Variants in STRN3 observed in about 807,000 individuals in gnomAD.
STRN3 encodes the protein striatin-3.
In STRN3, 29 loss-of-function variants were observed where a neutral mutation model predicts 95.6. That is an observed-to-expected ratio of 0.30 (90% CI 0.23 to 0.41). The LOEUF is 0.41. Ranked by LOEUF, STRN3 falls within the 10% of genes least tolerant of loss-of-function variation. STRN3 has a pLI of 1.00. For missense variants in STRN3, 890 were observed against 972.1 expected (o/e 0.92, Z 1.12); for synonymous variants, 331 against 357.6 (o/e 0.93, Z 0.84).
chr14:30,988,821 T>C (rs572320178), intron 1 of STRN3, among the ~76,000 whole-genome samples: 3 of 152,350 alleles, frequency 2.0e-5, no homozygotes, highest in African/African-American at 7.2e-5. Context: ...CCTTGCACTT[T>C]ACAGCCATCC....
At chr14:31,021,830 A>G (rs1444855814) in intron 1 of STRN3, among the ~76,000 whole-genome samples, 1 of 152,196 alleles carries the variant, frequency 6.6e-6, no homozygotes, top group Admixed American at 6.5e-5. Context: ...AGGAGAGAAG[A>G]AAGCGAAAAG....
chr14:31,000,141 G>A (rs551056497), intron 1 of STRN3, among the ~76,000 whole-genome samples: 1 of 147,796 alleles, frequency 6.8e-6, no homozygotes, highest in Non-Finnish European at 1.5e-5. Flanking sequence ...AGTCTTTCAG[G>A]CTAAAATATA....
At chr14:31,003,358 AAAAC>A (rs201880964) in intron 1 of STRN3, among the ~76,000 whole-genome samples, 3,173 of 151,878 alleles carry the variant, frequency 0.021, 101 homozygotes, top group African/African-American at 0.071. Flanking sequence ...GGAAAAAAAA[AAAAC>A]AAACAACTCA....
At chr14:30,964,976 T>C (rs1220483986) in intron 1 of STRN3, among the ~76,000 whole-genome samples, 1 of 151,916 alleles carries the variant, frequency 6.6e-6, no homozygotes, top group Non-Finnish European at 1.5e-5. Flanking sequence ...TTGGTCTTTG[T>C]CTTGTTGCAG....
chr14:31,003,087 C>G (rs1414465250), intron 1 of STRN3, among the ~76,000 whole-genome samples: 1 of 151,726 alleles, frequency 6.6e-6, no homozygotes, highest in Non-Finnish European at 1.5e-5. Flanking sequence ...CATGGTGAAA[C>G]CCCGTCTCTA....
At position 30,923,580 on chromosome 14, in the gene STRN3, G is replaced by A. The variant is rs530535612; in HGVS notation, c.1100-4474C>T. Among the ~76,000 whole-genome samples the A allele has an allele frequency of 4.6e-5, 7 of 152,198 alleles. No individual in the cohort carries two copies. The East Asian group carries it at 9.7e-4, about 21-fold the overall frequency. ...GATAAGTCCACTCACTAAGAACCAGGAATGCAAACATACATATTCCCCAAA... is the reference window on the plus strand; with the variant it reads ...GATAAGTCCACTCACTAAGAACCAGAAATGCAAACATACATATTCCCCAAA... On this transcript the variant is annotated intron_variant, in intron 8 of 17. Transcript: ENST00000357479.
chr14:30,981,355 G>A (rs1420357670), intron 1 of STRN3, among the ~76,000 whole-genome samples: 1 of 151,948 alleles, frequency 6.6e-6, no homozygotes, highest in Non-Finnish European at 1.5e-5. Flanking sequence ...AGAAATGTTG[G>A]CACCCACACC....
At chr14:30,941,805 T>C (rs1305434172) in intron 5 of STRN3, among the ~76,000 whole-genome samples, 3 of 151,844 alleles carry the variant, frequency 2.0e-5, no homozygotes, top group Admixed American at 6.6e-5. Context: ...TTTGTACTTT[T>C]AGTAGAGATG....
chr14:30,977,588 A>G (rs1414135927), intron 1 of STRN3, among the ~76,000 whole-genome samples: 1 of 151,578 alleles, frequency 6.6e-6, no homozygotes, highest in Non-Finnish European at 1.5e-5. Flanking sequence ...ATTCAAGACC[A>G]GCCTGGACAA....
In STRN3 at chr14:30,929,954, C is replaced by CAAAAAAAAAAAAAAAAAA. The variant is rs1191963792; in HGVS notation, c.989-661_989-644dup. 1.4e-3 allele frequency among the ~76,000 whole-genome samples: 55 copies of CAAAAAAAAAAAAAAAAAA among 39,942 alleles called. 4 individuals are homozygous for CAAAAAAAAAAAAAAAAAA. Among genetic ancestry groups the CAAAAAAAAAAAAAAAAAA allele is most frequent in the African/African-American group, 2.4e-3 (19 of 8,048 alleles). 26.2% of individuals were successfully genotyped at this position (39,942 alleles called of 152,430 possible). ...TCCATTGGTCTACAACTAAGATTAG[C>CAAAAAAAAAAAAAAAAAA]AAAAAAAAAAAAAAAAAAAAAAAAA... is the stretch of plus-strand genomic sequence containing the variant. On this transcript the variant is annotated intron_variant, in intron 7 of 17. Transcript: ENST00000357479.
chr14:31,007,061 AT>A (rs202163574), intron 1 of STRN3, among the ~76,000 whole-genome samples: 2 of 152,180 alleles, frequency 1.3e-5, no homozygotes, highest in Non-Finnish European at 1.5e-5. Context: ...AAATACAGAC[AT>A]TTTTTAAAAG....
At chr14:30,988,917 T>C (rs1372717118) in intron 1 of STRN3, among the ~76,000 whole-genome samples, 4 of 152,178 alleles carry the variant, frequency 2.6e-5, no homozygotes, top group Non-Finnish European at 5.9e-5. Context: ...ATAATTATTT[T>C]ACAAATTAGG....
At position 31,015,825 on chromosome 14, in the gene STRN3, G is replaced by A. The variant is rs369299662; in HGVS notation, c.282+10079C>T. 4.6e-5 allele frequency among the ~76,000 whole-genome samples: 7 copies of A among 152,266 alleles called. 1 individual carries two copies. The highest frequency in any genetic ancestry group is 1.2e-4 in the African/African-American group (5 of 41,552). The stretch of plus-strand genomic sequence containing the variant: ...CCTCTACAGAACCTTGTGAGACAGG[G>A]ACTCACTCTGTCACCCAGGCCGGAG... On this transcript the variant is annotated intron_variant, in intron 1 of 17. Coordinates refer to ENST00000357479, the MANE Select transcript of STRN3 (RefSeq NM_001083893.2).
At chr14:30,960,580 G>T (rs1172446836) in intron 1 of STRN3, among the ~76,000 whole-genome samples, 1 of 152,046 alleles carries the variant, frequency 6.6e-6, no homozygotes, top group African/African-American at 2.4e-5. Context: ...GGCTAAAAAT[G>T]AAAATGAGGC....
At chr14:30,901,701 C>T (rs1287780584) in intron 16 of STRN3, among the ~76,000 whole-genome samples, 1 of 151,926 alleles carries the variant, frequency 6.6e-6, no homozygotes. Flanking sequence ...AAAAAAGAGG[C>T]CCAAAACAAA....
intron 16 of STRN3, among the ~76,000 whole-genome samples, chr14:30,898,253 A>C (rs1212890764): frequency 6.6e-6 from 1 of 152,222 alleles, no homozygotes; most frequent in Non-Finnish European, 1.5e-5. Flanking sequence ...CTGGGTTTAC[A>C]GGCATGACCC....
At chr14:30,929,961 A>AAAAAAAAAAAAAAAAC (rs1878417361) in intron 7 of STRN3, among the ~76,000 whole-genome samples, 5 of 144,144 alleles carry the variant, frequency 3.5e-5, no homozygotes, top group Non-Finnish European at 6.1e-5. Context: ...TAGCAAAAAA[A>AAAAAAAAAAAAAAAAC]AAAAAAAAAA....
intron 1 of STRN3, among the ~76,000 whole-genome samples, chr14:30,983,717 A>T: frequency 6.6e-6 from 1 of 152,190 alleles, no homozygotes; most frequent in Admixed American, 6.5e-5. Flanking sequence ...GTAAAGATGA[A>T]TAAGCTGAAA....
intron 1 of STRN3, among the ~76,000 whole-genome samples, chr14:30,960,868 C>CAAAAAAAAAAAAAAAAAAAAAAAAA (rs56227331): frequency 2.1e-5 from 1 of 47,610 alleles, no homozygotes; most frequent in Non-Finnish European, 4.1e-5. Flanking sequence ...GACTCCATCT[C>CAAAAAAAAAAAAAAAAAAAAAAAAA]AAAAAAAAAA....
Sources: allele counts gnomAD v4.1 joint callset (sites outside exome capture counted in the v4.1 genomes callset), GRCh38; gene constraint gnomAD v4.1.1; transcripts MANE v1.5; gene names NCBI Gene and HGNC (gene_info 2026-07-23, HGNC 2026-07-21).